CTDSPL2: variants seen among roughly 807,000 people sequenced by gnomAD.
CTDSPL2 encodes CTD small phosphatase like 2, also known as CTD small phosphatase-like protein 2.
Under a neutral mutation model 60.0 loss-of-function variants are expected in CTDSPL2, and 5 were observed. The ratio of observed to expected loss-of-function variants is 0.08; its 90% CI spans 0.04 to 0.18. The LOEUF (loss-of-function observed/expected upper bound fraction) is 0.18. Among genes scored for constraint, CTDSPL2 ranks in the 10% least tolerant of loss-of-function variants. CTDSPL2 has a pLI of 1.00. For missense variants in CTDSPL2, 370 were observed against 548.8 expected (o/e 0.67, Z 3.26); for synonymous variants, 186 against 189.3 (o/e 0.98, Z 0.14).
chr15:44,473,557 A>T (rs1206586836), intron 2 of CTDSPL2, among the ~76,000 whole-genome samples: 1 of 152,210 alleles, frequency 6.6e-6, no homozygotes, highest in African/African-American at 2.4e-5. Flanking sequence ...GGCCTCCCAA[A>T]GTGCTGGGAT....
intron 2 of CTDSPL2, among the ~76,000 whole-genome samples, chr15:44,460,388 A>G (rs1037132615): frequency 7.2e-5 from 11 of 152,200 alleles, no homozygotes; most frequent in South Asian, 4.1e-4. Context: ...GATTATAGGC[A>G]TGAGCCACCG....
intron 2 of CTDSPL2, among the ~76,000 whole-genome samples, chr15:44,481,298 A>T (rs972594171): frequency 6.6e-6 from 1 of 152,188 alleles, no homozygotes; most frequent in African/African-American, 2.4e-5. Flanking sequence ...CGTTTTTGTA[A>T]CCTGAAGTAT....
At chr15:44,449,682 C>G (rs2080294883) in intron 1 of CTDSPL2, among the ~76,000 whole-genome samples, 1 of 152,012 alleles carries the variant, frequency 6.6e-6, no homozygotes, top group African/African-American at 2.4e-5. Flanking sequence ...AGGCGAAACA[C>G]CATTTCTACT....
At chr15:44,436,124 A>G (rs2079977794) in intron 1 of CTDSPL2, among the ~76,000 whole-genome samples, 1 of 152,192 alleles carries the variant, frequency 6.6e-6, no homozygotes, top group Admixed American at 6.5e-5. Context: ...CTAAGTGGAA[A>G]CATGCTGCTA....
At chr15:44,509,165 A>G (rs1258724973) in intron 8 of CTDSPL2, among the ~76,000 whole-genome samples, 3 of 152,138 alleles carry the variant, frequency 2.0e-5, no homozygotes, top group African/African-American at 7.2e-5. Context: ...TAAGTGGATT[A>G]TCATTTTAAT....
intron 2 of CTDSPL2, 25 bp from the exon 3 acceptor site, chr15:44,484,199 G>GT (rs770722660): frequency 2.7e-3 from 4,055 of 1,497,016 alleles, no homozygotes; most frequent in South Asian, 3.1e-3. Flanking sequence ...TGCTTAGTGT[G>GT]TTTTTTTTTC....
intron 4 of CTDSPL2, among the ~76,000 whole-genome samples, chr15:44,489,012 G>C (rs894387808): frequency 4.6e-5 from 7 of 152,090 alleles, no homozygotes; most frequent in African/African-American, 1.7e-4. Flanking sequence ...AGTTCTAGTG[G>C]AAGGGACTTG....
chr15:44,431,717 T>TTG (rs1491244032), intron 1 of CTDSPL2, among the ~76,000 whole-genome samples: 3 of 127,568 alleles, frequency 2.4e-5, no homozygotes, highest in African/African-American at 1.1e-4. Context: ...TGTTTGTTTG[T>TTG]TTTTTTTTTT....
chr15:44,509,083 A>G lies in CTDSPL2; in HGVS notation c.970-5515A>G, dbSNP rs149103968. Among the ~76,000 whole-genome samples, 23 of 152,360 alleles carry G rather than the reference A, an allele frequency of 1.5e-4. No individual in the cohort carries two copies. In the East Asian group the frequency reaches 4.2e-3, roughly 28 times the overall value. ...TAAACTAGTAGAAATTACTAAGTAT[A>G]TAACTTGAAATTATATAATTCGATG... On this transcript the variant is annotated intron_variant, in intron 8 of 12. Transcript: ENST00000260327.
intron 1 of CTDSPL2, among the ~76,000 whole-genome samples, chr15:44,455,875 G>A (rs1333868659): frequency 5.6e-5 from 7 of 125,412 alleles, no homozygotes; most frequent in East Asian, 2.3e-4. Flanking sequence ...TTTTTGAGAC[G>A]GAGTCTCGCT....
intron 8 of CTDSPL2, 64 bp from the exon 9 acceptor site, chr15:44,514,534 C>T: frequency 1.0e-6 from 1 of 984,716 alleles, no homozygotes; most frequent in South Asian, 1.3e-5. Context: ...TACAGCACAT[C>T]TTAAAAAGAA....
intron 2 of CTDSPL2, among the ~76,000 whole-genome samples, chr15:44,482,237 C>G (rs2081041539): frequency 1.3e-5 from 2 of 152,066 alleles, no homozygotes; most frequent in Admixed American, 6.5e-5. Context: ...GCCTTGAACT[C>G]CTGGGCTCCC....
chr15:44,458,457 A>T (rs193113683), intron 1 of CTDSPL2, among the ~76,000 whole-genome samples: 1 of 152,234 alleles, frequency 6.6e-6, no homozygotes, highest in South Asian at 2.1e-4. Flanking sequence ...AATGATCCAC[A>T]TTCTGTTGTT....
chr15:44,464,167 G>A (rs1429820995), intron 2 of CTDSPL2, among the ~76,000 whole-genome samples: 2 of 152,068 alleles, frequency 1.3e-5, no homozygotes, highest in Non-Finnish European at 2.9e-5. Flanking sequence ...GTACCACTAC[G>A]CCCGCAACAG....
intron 2 of CTDSPL2, among the ~76,000 whole-genome samples, chr15:44,476,325 C>G (rs2080915245): frequency 6.6e-6 from 1 of 152,084 alleles, no homozygotes; most frequent in Admixed American, 6.6e-5. Context: ...CCTGGCCTCC[C>G]AAAGTGCTGG....
At chr15:44,491,900 C>T (rs1342805919) in intron 5 of CTDSPL2, among the ~76,000 whole-genome samples, 1 of 152,078 alleles carries the variant, frequency 6.6e-6, no homozygotes. Context: ...CTCACTCTGT[C>T]GCCCACGCTG....
At chr15:44,485,656 G>A (rs891585434) in intron 3 of CTDSPL2, among the ~76,000 whole-genome samples, 8 of 152,218 alleles carry the variant, frequency 5.3e-5, no homozygotes, top group African/African-American at 1.7e-4. Flanking sequence ...ATAGGCTGCG[G>A]ACTGGTACCA....
chr15:44,427,881 C>T, intron 1 of CTDSPL2, 109 bp downstream of exon 1: 1 of 390,962 alleles, frequency 2.6e-6, no homozygotes, highest in South Asian at 1.4e-4. Context: ...CCTCCAGCGG[C>T]TCTGGCGCCT....
intron 8 of CTDSPL2, among the ~76,000 whole-genome samples, chr15:44,506,757 A>T (rs959089986): frequency 2.5e-4 from 37 of 149,562 alleles, no homozygotes; most frequent in South Asian, 2.1e-4. Flanking sequence ...TTTCTGTTTG[A>T]GTAAGGTTTT....
Sources: gnomAD v4.1 joint callset for allele counts (sites outside exome capture counted in the v4.1 genomes callset) on GRCh38, gnomAD v4.1.1 for gene constraint, MANE v1.5 for transcripts, NCBI Gene and HGNC (gene_info 2026-07-23, HGNC 2026-07-21) for gene names.